Variants in PTGFRN observed in about 807,000 individuals in gnomAD.
PTGFRN encodes prostaglandin F2 receptor inhibitor.
A neutral mutation model predicts 83.2 loss-of-function variants in PTGFRN; 35 were observed. The ratio of observed to expected loss-of-function variants is 0.42; its 90% CI spans 0.32 to 0.56. The LOEUF (loss-of-function observed/expected upper bound fraction) is 0.56. Among genes scored for constraint, PTGFRN ranks in the 20% least tolerant of loss-of-function variants. The pLI, the probability that PTGFRN is intolerant of heterozygous loss-of-function variation, is 0.11. For synonymous variants in PTGFRN, 519 were observed against 498.6 expected, an observed-to-expected ratio of 1.04 and a Z score of -0.55; for missense variants, 1,051 against 1,179.5, an observed-to-expected ratio of 0.89 and a Z score of 1.60.
At chr1:116,933,885 T>C (rs1649857952) in intron 1 of PTGFRN, among the ~76,000 whole-genome samples, 1 of 152,238 alleles carries the variant, frequency 6.6e-6, no homozygotes, top group African/African-American at 2.4e-5. Context: ...TTATTCTGTT[T>C]ATGATACATA....
intron 6 of PTGFRN, among the ~76,000 whole-genome samples, chr1:116,968,629 A>G (rs1423838921): frequency 1.3e-5 from 2 of 152,130 alleles, no homozygotes; most frequent in Non-Finnish European, 2.9e-5. Flanking sequence ...AGAGTTGTGC[A>G]ACTATCACTA....
At position 116,927,525 on chromosome 1, in the gene PTGFRN, C is replaced by CTTTTTTTTTTT. The variant is rs1171564821; in HGVS notation, c.50-14181_50-14171dup. 3.8e-3 allele frequency among the ~76,000 whole-genome samples: 471 copies of CTTTTTTTTTTT among 124,352 alleles called. 53 individuals carry two copies. Among genetic ancestry groups the CTTTTTTTTTTT allele is most frequent in the African/African-American group, 0.017 (440 of 25,960 alleles). 81.6% of individuals were successfully genotyped at this position (124,352 alleles called of 152,430 possible). ...CTGTATGTCTTTCTGCCTTGCTTAC[C>CTTTTTTTTTTT]TTTTTTTTTTTTTTTTTTTGATACA... On this transcript the variant is annotated intron_variant, in intron 1 of 8. Transcript: ENST00000393203.
chr1:116,926,366 A>G (rs904021660), intron 1 of PTGFRN, among the ~76,000 whole-genome samples: 1 of 152,200 alleles, frequency 6.6e-6, no homozygotes, highest in African/African-American at 2.4e-5. Context: ...CTGAGCAGGG[A>G]GGGATGCTGA....
Position 116,944,713 on chromosome 1 carries a change from G to A in PTGFRN, c.453G>A (p.Ala151=), listed in dbSNP as rs1202231054. The part of the protein sequence containing the change: ...LADSLHVGPS[A]RPPPSLSLRE... Reference sequence around the variant, plus strand: ...ACTCCCTGCACGTGGGCCCCAGCGCGCGGCCCCCGCCGAGCCTGAGCCTGC... The same window carrying A: ...ACTCCCTGCACGTGGGCCCCAGCGCACGGCCCCCGCCGAGCCTGAGCCTGC... Residue 151 remains alanine (A), a synonymous_variant, in exon 3 of 9, where the codon GCG becomes GCA. Transcript: ENST00000393203. 6.4e-6 allele frequency: 9 copies of A among 1,414,048 alleles called. No homozygotes were observed. The highest frequency in any genetic ancestry group is 3.4e-5 in the Admixed American group (1 of 29,506). 87.6% of individuals were successfully genotyped at this position (1,414,048 alleles called of 1,614,324 possible).
At chr1:116,981,860 T>C (rs1394359490) in intron 7 of PTGFRN, among the ~76,000 whole-genome samples, 1 of 152,132 alleles carries the variant, frequency 6.6e-6, no homozygotes, top group East Asian at 1.9e-4. Flanking sequence ...CCTGGACTAG[T>C]TGATTGAACC....
chr1:116,980,107 G>A (rs1651271534), intron 7 of PTGFRN, among the ~76,000 whole-genome samples: 1 of 152,066 alleles, frequency 6.6e-6, no homozygotes. Context: ...ACAGACACAT[G>A]AAAAAACGCT....
In PTGFRN at chr1:116,941,081, C is replaced by T. The variant is rs1317508990; in HGVS notation, c.50-634C>T. Reference sequence around the variant, plus strand: ...ACCTGCCTCTCTCCCTTTGTGCTTCCACATCCTCATTCTGAATTTAGATCA... The same window carrying T: ...ACCTGCCTCTCTCCCTTTGTGCTTCTACATCCTCATTCTGAATTTAGATCA... On this transcript the variant is annotated intron_variant, in intron 1 of 8. Coordinates refer to ENST00000393203, the MANE Select transcript of PTGFRN (RefSeq NM_020440.4). The surrounding 1 kb of genome is among the most constrained non-coding windows in gnomAD (Gnocchi z 5.0). Among the ~76,000 whole-genome samples the T allele has an allele frequency of 6.6e-6, 1 of 152,174 alleles. No individual in the cohort carries two copies. The highest frequency in any genetic ancestry group is 1.5e-5 in the Non-Finnish European group (1 of 68,036).
At chr1:116,921,075 TACA>T (rs1181210779) in intron 1 of PTGFRN, among the ~76,000 whole-genome samples, 1 of 152,236 alleles carries the variant, frequency 6.6e-6, no homozygotes, top group African/African-American at 2.4e-5. Context: ...ACTAAAAGGA[TACA>T]TTCTAGAAAG....
chr1:116,947,047 TA>T (rs1233333742), intron 3 of PTGFRN, among the ~76,000 whole-genome samples: 3 of 152,202 alleles, frequency 2.0e-5, no homozygotes, highest in African/African-American at 7.2e-5. Context: ...TACAGATTAA[TA>T]AAAATAAAGA....
In PTGFRN at chr1:116,909,962, G is replaced by A. The variant is rs1570638243; in HGVS notation, c.-242G>A. 2 of 569,464 alleles carry A rather than the reference G, an allele frequency of 3.5e-6. No individual in the cohort carries two copies. Among genetic ancestry groups the A allele is most frequent in the Non-Finnish European group, 6.2e-6 (2 of 322,442 alleles). 35.3% of individuals were successfully genotyped at this position (569,464 alleles called of 1,614,324 possible). A position where few individuals can be genotyped will look rare whatever the true frequency, so the allele number is the denominator to read the frequency against. ...GTCGGGGCTGCACACTCGGATCGGC[G>A]GGGCCGGCTCCCGGGCCCGGCCGGC... is the stretch of plus-strand genomic sequence containing the variant. On this transcript the variant is annotated 5_prime_UTR_variant, in exon 1 of 9. Coordinates refer to ENST00000393203, the MANE Select transcript of PTGFRN (RefSeq NM_020440.4).
chr1:116,973,509 G>A (rs1301872531), intron 6 of PTGFRN, among the ~76,000 whole-genome samples: 3 of 150,458 alleles, frequency 2.0e-5, no homozygotes, highest in Non-Finnish European at 4.4e-5. Context: ...GGAGGCTGAA[G>A]CAGGAGAATC....
intron 1 of PTGFRN, among the ~76,000 whole-genome samples, chr1:116,931,496 C>CTT (rs10597434): frequency 7.5e-6 from 1 of 132,912 alleles, no homozygotes; most frequent in Admixed American, 7.7e-5. Flanking sequence ...TGAACTTTTT[C>CTT]TTTTTTTTTT....
At chr1:116,945,697 C>T (rs1479111975) in intron 3 of PTGFRN, among the ~76,000 whole-genome samples, 2 of 151,090 alleles carry the variant, frequency 1.3e-5, no homozygotes, top group African/African-American at 4.9e-5. Flanking sequence ...AGCATCCAGT[C>T]CTGGGGTCTG....
chr1:116,917,785 T>C (rs1161562094), intron 1 of PTGFRN, among the ~76,000 whole-genome samples: 1 of 152,052 alleles, frequency 6.6e-6, no homozygotes, highest in East Asian at 1.9e-4. Flanking sequence ...CCAGGCCTGG[T>C]TAATTTTTTA....
intron 7 of PTGFRN, among the ~76,000 whole-genome samples, chr1:116,977,128 G>A (rs1370432884): frequency 2.0e-5 from 3 of 151,932 alleles, no homozygotes; most frequent in Non-Finnish European, 4.4e-5. Context: ...GACAAAGAAG[G>A]CCATTACATA....
chr1:116,987,299 G>A lies in PTGFRN; in HGVS notation c.*332G>A, dbSNP rs775192456. The stretch of plus-strand genomic sequence containing the variant: ...TGTGTGTGTTTATAGCTTTTGTTTC[G>A]CGGGGTTGTGGTGAGGAAGGGGTGA... On this transcript the variant is annotated 3_prime_UTR_variant, in exon 9 of 9. Coordinates refer to ENST00000393203, the MANE Select transcript of PTGFRN (RefSeq NM_020440.4). 8 of 241,128 alleles carry A rather than the reference G, an allele frequency of 3.3e-5. No individual in the cohort carries two copies. The highest frequency in any genetic ancestry group is 5.2e-5 in the Admixed American group (1 of 19,240). 14.9% of individuals were successfully genotyped at this position (241,128 alleles called of 1,614,324 possible).
At position 116,987,034 on chromosome 1, in the gene PTGFRN, TA is replaced by T; in HGVS notation, c.*68del. 6.3e-7 allele frequency: 1 copy of T among 1,579,576 alleles called. No homozygotes were observed. The highest frequency in any genetic ancestry group is 8.6e-7 in the Non-Finnish European group (1 of 1,156,656). On this transcript the variant is annotated 3_prime_UTR_variant, in exon 9 of 9. Coordinates refer to ENST00000393203, the MANE Select transcript of PTGFRN (RefSeq NM_020440.4). ...AATTGGGGCAAGAAGAGGACAGTGA[TA>T]TTTTAAAACAAAGTGTGTTACACTA...
intron 1 of PTGFRN, among the ~76,000 whole-genome samples, chr1:116,932,536 G>A (rs754796197): frequency 6.6e-6 from 1 of 152,164 alleles, no homozygotes; most frequent in Non-Finnish European, 1.5e-5. Flanking sequence ...ATAAATATGC[G>A]TGGTGTTAAA....
rs770879281 is a variant in PTGFRN at position 116,974,314 on chromosome 1, C to G, written c.2158C>G (p.Leu720Val). 43 of 1,605,874 alleles carry G rather than the reference C, an allele frequency of 2.7e-5. No homozygotes were observed. Among genetic ancestry groups the G allele is most frequent in the African/African-American group, 5.4e-5 (4 of 74,714 alleles). Reference protein sequence around the residue: ...FCIITVEGAALDPDDMAFDVS... With the variant: ...FCIITVEGAAVDPDDMAFDVS... ...TATCATCACTGTCGAGGGAGCAGCA[C>G]TGGATCCAGGTACCTCACTCCATCC... Residue 720 changes from leucine to valine, a missense_variant, in exon 7 of 9, where the codon CTG becomes GTG. Coordinates refer to ENST00000393203, the MANE Select transcript of PTGFRN (RefSeq NM_020440.4).
Sources: allele counts gnomAD v4.1 joint callset (sites outside exome capture counted in the v4.1 genomes callset), GRCh38; gene constraint gnomAD v4.1.1; non-coding constraint Gnocchi (gnomAD v3.1); transcripts MANE v1.5; gene names NCBI Gene and HGNC (gene_info 2026-07-23, HGNC 2026-07-21).